The following GRAMD1B variants were observed in gnomAD, a reference collection of about 807,000 sequenced individuals.
The protein encoded by GRAMD1B is GRAM domain containing 1B.
In GRAMD1B, 37 loss-of-function variants were observed where a neutral mutation model predicts 99.7. That is an observed-to-expected ratio of 0.37 (90% CI 0.29 to 0.49). The LOEUF (loss-of-function observed/expected upper bound fraction) is 0.49. Among genes scored for constraint, GRAMD1B ranks in the 20% least tolerant of loss-of-function variants. The probability of loss-of-function intolerance (pLI) is 0.98; values close to 1 mark genes in which losing one functional copy is unlikely to be tolerated. For synonymous variants in GRAMD1B, 427 were observed against 387.6 expected (o/e 1.10, Z -1.19); for missense variants, 888 against 1,009.2 (o/e 0.88, Z 1.63).
intron 2 of GRAMD1B, among the ~76,000 whole-genome samples, chr11:123,530,948 A>G (rs1943304594): frequency 6.6e-6 from 1 of 152,130 alleles, no homozygotes; most frequent in African/African-American, 2.4e-5. Flanking sequence ...GTGGGATTAA[A>G]TGAGTGTTGG....
At chr11:123,614,339 A>G (rs528064650) in intron 16 of GRAMD1B, among the ~76,000 whole-genome samples, 2 of 152,182 alleles carry the variant, frequency 1.3e-5, no homozygotes, top group African/African-American at 4.8e-5. Flanking sequence ...CTGACATTGC[A>G]TTTGAGTAAA....
At chr11:123,495,816 T>C (rs1406846438) in intron 2 of GRAMD1B, among the ~76,000 whole-genome samples, 2 of 152,248 alleles carry the variant, frequency 1.3e-5, no homozygotes, top group East Asian at 3.9e-4. Context: ...TTAACACTGA[T>C]TGCATAAACA....
intron 2 of GRAMD1B, among the ~76,000 whole-genome samples, chr11:123,543,166 A>T (rs1944715972): frequency 6.6e-6 from 1 of 152,158 alleles, no homozygotes; most frequent in South Asian, 2.1e-4. Context: ...GGAAATAAAC[A>T]CATCTCAGAG....
rs1046297442 is a variant in GRAMD1B at position 123,626,466 on chromosome 11, C to G, written c.*3871C>G. 1 of 151,674 alleles carries G rather than the reference C, an allele frequency of 6.6e-6. No homozygotes were observed. Among genetic ancestry groups the G allele is most frequent in the Non-Finnish European group, 1.5e-5 (1 of 68,016 alleles). The allele number at this position is 151,674 out of a possible 1,614,324, so 9.4% of individuals were successfully genotyped here. On this transcript the variant is annotated 3_prime_UTR_variant, in exon 20 of 20. Transcript: ENST00000635736. The stretch of plus-strand genomic sequence containing the variant: ...ACTAGGGGAAGTATCTTTCTGGATG[C>G]TTGTGGTCCCAGAAGGGTACTTTCT...
chr11:123,412,159 A>G (rs575873789), intron 1 of GRAMD1B, among the ~76,000 whole-genome samples: 1 of 152,338 alleles, frequency 6.6e-6, no homozygotes, highest in African/African-American at 2.4e-5. Flanking sequence ...TACAGTGGAT[A>G]TATGTTTATA....
chr11:123,496,129 T>C (rs894517467), intron 2 of GRAMD1B, among the ~76,000 whole-genome samples: 3 of 152,226 alleles, frequency 2.0e-5, no homozygotes, highest in Non-Finnish European at 4.4e-5. Flanking sequence ...TCAGCATTTC[T>C]TATAGGACAG....
At chr11:123,499,589 C>G (rs1028576341) in intron 2 of GRAMD1B, among the ~76,000 whole-genome samples, 1 of 152,196 alleles carries the variant, frequency 6.6e-6, no homozygotes, top group African/African-American at 2.4e-5. Flanking sequence ...TTCTTATCCT[C>G]AGGCATGTAA....
At chr11:123,401,964 A>T (rs1322452900) in intron 1 of GRAMD1B, among the ~76,000 whole-genome samples, 1 of 152,142 alleles carries the variant, frequency 6.6e-6, no homozygotes, top group Admixed American at 6.5e-5. Flanking sequence ...TGGTTGTTAC[A>T]CTGGGGTGAG....
intron 4 of GRAMD1B, among the ~76,000 whole-genome samples, chr11:123,592,424 G>T (rs1950764341): frequency 6.6e-6 from 1 of 152,148 alleles, no homozygotes; most frequent in Admixed American, 6.6e-5. Flanking sequence ...TGCAAAATGG[G>T]ATAATAAAAA....
chr11:123,485,111 C>T (rs975801358), intron 2 of GRAMD1B, among the ~76,000 whole-genome samples: 2 of 152,188 alleles, frequency 1.3e-5, no homozygotes, highest in African/African-American at 4.8e-5. Flanking sequence ...AGTATTGTCA[C>T]TGACTGAAAA....
At position 123,591,326 on chromosome 11, in the gene GRAMD1B, G is replaced by C; in HGVS notation, c.685-2756G>C. The C allele has an allele frequency of 5.0e-6, 2 of 398,296 alleles. No homozygotes were observed. Among genetic ancestry groups the C allele is most frequent in the East Asian group, 3.6e-5 (1 of 28,068 alleles). 24.7% of individuals were successfully genotyped at this position (398,296 alleles called of 1,614,324 possible). A position where few individuals can be genotyped will look rare whatever the true frequency, so the allele number is the denominator to read the frequency against. On this transcript the variant is annotated intron_variant, in intron 4 of 19. Coordinates refer to ENST00000635736, the MANE Select transcript of GRAMD1B (RefSeq NM_001387025.1). The surrounding 1 kb of genome is among the most constrained non-coding windows in gnomAD (Gnocchi z 4.7). Reference sequence around the variant, plus strand: ...CCAGGGGAGACCAGTTGTTTTCATCGTGTGGGGACAGTCGGGAGTCAGTGC... The same window carrying C: ...CCAGGGGAGACCAGTTGTTTTCATCCTGTGGGGACAGTCGGGAGTCAGTGC...
intron 1 of GRAMD1B, among the ~76,000 whole-genome samples, chr11:123,385,397 A>G (rs1947021928): frequency 6.6e-6 from 1 of 152,206 alleles, no homozygotes. Flanking sequence ...CAAACCCGTC[A>G]TTAGTTTCCT....
Position 123,612,824 on chromosome 11 carries a change from G to C in GRAMD1B, c.1983G>C (p.Lys661Asn). Residue 661 changes from lysine to asparagine, a missense_variant, in exon 15 of 20, where the codon AAG becomes AAC. Around this residue, in one of 5 missense-constraint regions of GRAMD1B, gnomAD observed 92 missense variants for 156.9 expected, o/e 0.59. Coordinates refer to ENST00000635736, the MANE Select transcript of GRAMD1B (RefSeq NM_001387025.1). ...PWGLVKTFIE[K>N]NFWSGLEDYF... ...GGTTAGTGAAAACGTTCATCGAGAA[G>C]AACTTCTGGAGTGGGCTGGAGGACT... 1 of 1,612,292 alleles carries C rather than the reference G, an allele frequency of 6.2e-7. No individual in the cohort carries two copies. The highest frequency in any genetic ancestry group is 8.5e-7 in the Non-Finnish European group (1 of 1,178,664).
At chr11:123,403,448 G>GATGATGATAATA (rs1251720908) in intron 1 of GRAMD1B, among the ~76,000 whole-genome samples, 1 of 139,178 alleles carries the variant, frequency 7.2e-6, no homozygotes, top group African/African-American at 2.7e-5. Context: ...TGATGATGAT[G>GATGATGATAATA]ATAATAATAA....
chr11:123,461,909 A>G (rs1348202078), intron 1 of GRAMD1B, among the ~76,000 whole-genome samples: 1 of 143,282 alleles, frequency 7.0e-6, no homozygotes, highest in Non-Finnish European at 1.5e-5. Context: ...CCCGGCCAAG[A>G]TAGCTCTACT....
intron 1 of GRAMD1B, among the ~76,000 whole-genome samples, chr11:123,418,166 A>G (rs1039575573): frequency 6.6e-6 from 1 of 152,212 alleles, no homozygotes; most frequent in African/African-American, 2.4e-5. Flanking sequence ...AAATAAAATG[A>G]TGGCTTAATG....
intron 1 of GRAMD1B, among the ~76,000 whole-genome samples, chr11:123,362,854 A>C (rs912766618): frequency 2.6e-5 from 4 of 152,138 alleles, no homozygotes; most frequent in Non-Finnish European, 2.9e-5. Flanking sequence ...GCTGCCCCGG[A>C]AGGCAAGGGC....
At chr11:123,444,809 A>T (rs1949564562) in intron 1 of GRAMD1B, among the ~76,000 whole-genome samples, 1 of 152,134 alleles carries the variant, frequency 6.6e-6, no homozygotes, top group South Asian at 2.1e-4. Context: ...AAGAGTTTTC[A>T]TAGAGCTTGA....
intron 1 of GRAMD1B, among the ~76,000 whole-genome samples, chr11:123,396,678 T>A (rs1947476651): frequency 1.3e-5 from 2 of 152,208 alleles, no homozygotes; most frequent in Admixed American, 1.3e-4. Flanking sequence ...CAGAGAGAAC[T>A]GCCTATTCTT....
Sources: allele counts gnomAD v4.1 joint callset (sites outside exome capture counted in the v4.1 genomes callset), GRCh38; gene constraint gnomAD v4.1.1; regional missense constraint gnomAD v4.1.1; non-coding constraint Gnocchi (gnomAD v3.1); transcripts MANE v1.5; gene names NCBI Gene and HGNC (gene_info 2026-07-23, HGNC 2026-07-21).